The following SYTL3 variants were observed in gnomAD, a reference collection of about 807,000 sequenced individuals.
SYTL3 encodes synaptotagmin-like protein 3.
A neutral mutation model predicts 82.1 loss-of-function variants in SYTL3; 88 were observed. The observed-to-expected ratio is 1.07, with a 90% confidence interval of 0.90 to 1.28. SYTL3 has a LOEUF of 1.28. SYTL3 is among the 50% of genes most tolerant of loss of function. SYTL3 has a pLI of 0.00. For missense variants in SYTL3, 831 were observed against 757.6 expected, an observed-to-expected ratio of 1.10 and a Z score of -1.14; for synonymous variants, 311 against 289.4, an observed-to-expected ratio of 1.07 and a Z score of -0.76.
intron 10 of SYTL3, among the ~76,000 whole-genome samples, chr6:158,721,669 G>A (rs575422632): frequency 4.6e-5 from 7 of 151,406 alleles, no homozygotes; most frequent in Non-Finnish European, 8.8e-5. Flanking sequence ...GTCTCATTCT[G>A]TTGCCCAGGC....
chr6:158,664,029 C>T (rs1160651359), intron 4 of SYTL3, among the ~76,000 whole-genome samples: 7 of 152,132 alleles, frequency 4.6e-5, no homozygotes, highest in African/African-American at 9.7e-5. Context: ...AGCAGTGTTC[C>T]GCCTTAGCTG....
intron 11 of SYTL3, chr6:158,726,455 C>G (rs1459558089): frequency 5.1e-6 from 1 of 195,294 alleles, no homozygotes; most frequent in Admixed American, 6.0e-5. Context: ...TAGAATTATG[C>G]CTCCCAATAG....
chr6:158,650,876 G>A (rs1175793381), intron 1 of SYTL3, among the ~76,000 whole-genome samples: 1 of 152,084 alleles, frequency 6.6e-6, no homozygotes, highest in East Asian at 1.9e-4. Flanking sequence ...ACTTGAACCT[G>A]GGAGGCGGAG....
chr6:158,647,454 G>C (rs1787552538), upstream of SYTL3, among the ~76,000 whole-genome samples: 1 of 152,212 alleles, frequency 6.6e-6, no homozygotes, highest in Non-Finnish European at 1.5e-5. Flanking sequence ...AGGCTACAAA[G>C]TTGACTAAAA....
chr6:158,756,717 AAATTTTTTTTTTT>A (rs1467005455), intron 13 of SYTL3, among the ~76,000 whole-genome samples: 3 of 53,210 alleles, frequency 5.6e-5, no homozygotes, highest in Admixed American at 6.8e-4. Context: ...TCTCAAAAAA[AAATTTTTTTTTTT>A]TTTTTTTTTT....
intron 11 of SYTL3, 133 bp from the exon 12 acceptor site, chr6:158,745,347 G>A: frequency 1.3e-6 from 1 of 770,826 alleles, no homozygotes; most frequent in Non-Finnish European, 2.0e-6. Context: ...AGTACAAGCT[G>A]GTGCATTATT....
At chr6:158,732,378 G>C (rs781710488) in intron 11 of SYTL3, among the ~76,000 whole-genome samples, 1 of 152,210 alleles carries the variant, frequency 6.6e-6, no homozygotes, top group Non-Finnish European at 1.5e-5. Flanking sequence ...AAATATAAAT[G>C]CCTGGCTAAA....
At chr6:158,704,864 GGGT>G (rs1781823940) in intron 6 of SYTL3, among the ~76,000 whole-genome samples, 2 of 87,312 alleles carry the variant, frequency 2.3e-5, no homozygotes, top group South Asian at 6.3e-4. Flanking sequence ...ACCCAGGGCA[GGGT>G]GACAGTGAGG....
intron 14 of SYTL3, 44 bp from the exon 15 acceptor site, chr6:158,760,596 G>T: frequency 1.3e-6 from 2 of 1,561,850 alleles, no homozygotes; most frequent in Non-Finnish European, 1.8e-6. Flanking sequence ...AAGGTTCTTG[G>T]GACTTGGGGA....
intron 12 of SYTL3, 32 bp from the exon 13 acceptor site, chr6:158,751,896 C>A (rs1355166651): frequency 3.9e-6 from 6 of 1,528,714 alleles, no homozygotes; most frequent in Non-Finnish European, 5.3e-6. Context: ...TCCCTGAGTT[C>A]TCACTCTGTC....
chr6:158,671,488 T>G (rs1777375860), intron 5 of SYTL3, among the ~76,000 whole-genome samples: 1 of 152,082 alleles, frequency 6.6e-6, no homozygotes, highest in Non-Finnish European at 1.5e-5. Flanking sequence ...ATAGATAATT[T>G]TATCGGTGGC....
Position 158,745,660 on chromosome 6 carries a change from T to C in SYTL3, c.1034+2T>C, listed in dbSNP as rs776519141. The C allele has an allele frequency of 7.6e-6, 12 of 1,581,704 alleles. No individual in the cohort carries two copies. The highest frequency in any genetic ancestry group is 1.0e-5 in the Non-Finnish European group (12 of 1,167,804). ...AGAAAAGAAGAAAAAGTGCAATCCG[T>C]AAGTTGTTTTTTTTAAGTTTAACAT... On this transcript the variant is annotated splice_donor_variant, in intron 12 of 17. Coordinates refer to ENST00000611299, the MANE Select transcript of SYTL3 (RefSeq NM_001242394.2). LOFTEE classifies it high-confidence loss of function.
At chr6:158,724,261 G>C (rs1361994596) in intron 10 of SYTL3, among the ~76,000 whole-genome samples, 2 of 152,204 alleles carry the variant, frequency 1.3e-5, no homozygotes, top group Admixed American at 6.5e-5. Context: ...TGTGAATATA[G>C]TGTTGCTTAA....
chr6:158,669,740 G>T (rs1226116517), intron 5 of SYTL3, among the ~76,000 whole-genome samples: 4 of 152,188 alleles, frequency 2.6e-5, no homozygotes, highest in African/African-American at 9.7e-5. Context: ...TTGAGTTATT[G>T]CTGCAGAGCA....
At chr6:158,683,065 G>T (rs1292200063) in intron 6 of SYTL3, 76 bp downstream of exon 6, 1 of 1,115,342 alleles carries the variant, frequency 9.0e-7, no homozygotes, top group African/African-American at 1.6e-5. Flanking sequence ...TAAGACTTTG[G>T]AATATAAGCA....
intron 17 of SYTL3, 90 bp from the exon 18 acceptor site, chr6:158,764,405 A>C (rs567872351): frequency 1.0e-6 from 1 of 986,186 alleles, no homozygotes; most frequent in East Asian, 2.5e-5. Flanking sequence ...GAGGTGAAAA[A>C]CTTCTGGCTG....
chr6:158,654,884 T>G (rs1049423380), intron 2 of SYTL3, among the ~76,000 whole-genome samples: 2 of 152,152 alleles, frequency 1.3e-5, no homozygotes, highest in African/African-American at 2.4e-5. Flanking sequence ...GTGTGGGATT[T>G]ATTCATTTTT....
At chr6:158,735,000 C>G (rs1294181060) in intron 11 of SYTL3, among the ~76,000 whole-genome samples, 5 of 152,156 alleles carry the variant, frequency 3.3e-5, no homozygotes, top group African/African-American at 9.7e-5. Flanking sequence ...CTGATTCAAA[C>G]CAGGGGCCTG....
At chr6:158,715,661 CT>C (rs1325259998) in intron 9 of SYTL3, among the ~76,000 whole-genome samples, 7 of 139,916 alleles carry the variant, frequency 5.0e-5, no homozygotes, top group African/African-American at 1.9e-4. Context: ...CCCCCACCCC[CT>C]GCCCAGAGGC....
Sources: gnomAD v4.1 joint callset for allele counts (sites outside exome capture counted in the v4.1 genomes callset) on GRCh38, gnomAD v4.1.1 for gene constraint, MANE v1.5 for transcripts, NCBI Gene and HGNC (gene_info 2026-07-23, HGNC 2026-07-21) for gene names.